Variants in STAM2 observed in about 807,000 individuals in gnomAD.
STAM2 encodes signal transducing adapter molecule 2.
A neutral mutation model predicts 65.6 loss-of-function variants in STAM2; 51 were observed. The observed-to-expected ratio is 0.78, with a 90% CI of 0.62 to 0.98. STAM2 has a LOEUF of 0.98. Ranked by LOEUF, STAM2 falls within the 50% of genes least tolerant of loss-of-function variation. The pLI is 0.00. For missense variants in STAM2, 584 were observed against 617.8 expected, an observed-to-expected ratio of 0.95 and a Z score of 0.58; for synonymous variants, 198 against 208.4, an observed-to-expected ratio of 0.95 and a Z score of 0.43.
chr2:152,146,850 A>C (rs577014578), intron 5 of STAM2, among the ~76,000 whole-genome samples: 9 of 152,340 alleles, frequency 5.9e-5, no homozygotes, highest in African/African-American at 2.2e-4. Flanking sequence ...GTATAAAGCT[A>C]TCATTCAAAT....
At position 152,159,110 on chromosome 2, in the gene STAM2, T is replaced by TATATATATATATATGTATATAC. The variant is rs575009275; in HGVS notation, c.41-8882_41-8881insGTATATACATATATATATATAT. ...AAAAAAAACCATATATATATATATA[T>TATATATATATATATGTATATAC]ACACACACAGATATATATAATTTTT... On this transcript the variant is annotated intron_variant, in intron 1 of 13. Coordinates refer to ENST00000263904, the MANE Select transcript of STAM2 (RefSeq NM_005843.6). Among the ~76,000 whole-genome samples the TATATATATATATATGTATATAC allele has an allele frequency of 1.6e-4, 21 of 129,278 alleles. No individual in the cohort carries two copies. The East Asian group carries it at 6.5e-3, about 40-fold the overall frequency. 84.8% of individuals were successfully genotyped at this position (129,278 alleles called of 152,430 possible).
In STAM2 at chr2:152,149,494, CT is replaced by C. The variant is rs1175160840; in HGVS notation, c.125+650del. Reference sequence around the variant, plus strand: ...CAAAAACTTCACTATTAATAGTCTACTCTTTTTTTTTTTTTTTTTTTGAGAC... The same window carrying C: ...CAAAAACTTCACTATTAATAGTCTACCTTTTTTTTTTTTTTTTTTTGAGAC... On this transcript the variant is annotated intron_variant, in intron 2 of 13. Coordinates refer to ENST00000263904, the MANE Select transcript of STAM2 (RefSeq NM_005843.6). Among the ~76,000 whole-genome samples the C allele has an allele frequency of 1.9e-4, 27 of 140,760 alleles. No homozygotes were observed. In the East Asian group the frequency reaches 6.4e-3, roughly 34 times the overall value. The allele number at this position is 140,760 out of a possible 152,430, so 92.3% of individuals were successfully genotyped here. A position where few individuals can be genotyped will look rare whatever the true frequency, so the allele number is the denominator to read the frequency against.
intron 12 of STAM2, among the ~76,000 whole-genome samples, chr2:152,124,917 A>C (rs1342750383): frequency 1.3e-5 from 2 of 152,200 alleles, no homozygotes; most frequent in Non-Finnish European, 2.9e-5. Context: ...TATTTTTGTC[A>C]AATTAGAATA....
intron 1 of STAM2, among the ~76,000 whole-genome samples, chr2:152,154,026 C>T (rs570294933): frequency 5.3e-5 from 8 of 152,112 alleles, no homozygotes; most frequent in African/African-American, 9.6e-5. Context: ...ATGAACAAGA[C>T]GAGAAACAAA....
chr2:152,150,578 A>G (rs1429159918), intron 1 of STAM2, among the ~76,000 whole-genome samples: 3 of 152,196 alleles, frequency 2.0e-5, no homozygotes, highest in African/African-American at 7.2e-5. Flanking sequence ...AGGCAGGAAG[A>G]TCGTTTGAGG....
chr2:152,148,885 TTTC>T (rs1371384998), intron 2 of STAM2, among the ~76,000 whole-genome samples: 7 of 152,172 alleles, frequency 4.6e-5, no homozygotes, highest in African/African-American at 1.7e-4. Context: ...GATCTTTCTA[TTTC>T]TTCAAGACAG....
intron 1 of STAM2, among the ~76,000 whole-genome samples, chr2:152,173,406 A>ATGTATACATATATT (rs1560227709): frequency 1.4e-5 from 2 of 145,224 alleles, no homozygotes; most frequent in Admixed American, 6.9e-5. Context: ...ATATATATAT[A>ATGTATACATATATT]TTTTTTTTCG....
intron 6 of STAM2, 151 bp from the exon 7 acceptor site, chr2:152,144,164 A>G (rs1689299232): frequency 1.6e-6 from 1 of 643,078 alleles, no homozygotes; most frequent in Non-Finnish European, 2.6e-6. Context: ...GGGGCAGGGC[A>G]GGGAACCATG....
chr2:152,166,509 C>A (rs540256283), intron 1 of STAM2, among the ~76,000 whole-genome samples: 14 of 152,104 alleles, frequency 9.2e-5, no homozygotes, highest in Non-Finnish European at 1.3e-4. Context: ...TTCTTAACAC[C>A]TATAAGCAGG....
intron 7 of STAM2, among the ~76,000 whole-genome samples, chr2:152,136,957 C>T (rs193012559): frequency 6.7e-6 from 1 of 149,296 alleles, no homozygotes; most frequent in Admixed American, 6.7e-5. Context: ...TGCAGTGGCA[C>T]GATCTTGGCT....
chr2:152,153,064 A>G (rs1017274392), intron 1 of STAM2, among the ~76,000 whole-genome samples: 1 of 152,224 alleles, frequency 6.6e-6, no homozygotes, highest in African/African-American at 2.4e-5. Context: ...TAAATTAATT[A>G]AAGGTAAACT....
rs1438773983 is a variant in STAM2 at position 152,120,027 on chromosome 2, C to T, written c.*547G>A. On this transcript the variant is annotated 3_prime_UTR_variant, in exon 14 of 14. Coordinates refer to ENST00000263904, the MANE Select transcript of STAM2 (RefSeq NM_005843.6). The stretch of plus-strand genomic sequence containing the variant: ...AAGAAATATGCTGGCAAGCTAAATG[C>T]TTACACACAAAAAAGTTAGACTTTT... 6.5e-6 allele frequency: 1 copy of T among 152,888 alleles called. No individual in the cohort carries two copies. The highest frequency in any genetic ancestry group is 1.5e-5 in the Non-Finnish European group (1 of 68,324). The allele number at this position is 152,888 out of a possible 1,614,324, so 9.5% of individuals were successfully genotyped here.
chr2:152,161,925 C>T (rs1203793728), intron 1 of STAM2, among the ~76,000 whole-genome samples: 1 of 151,842 alleles, frequency 6.6e-6, no homozygotes, highest in South Asian at 2.1e-4. Context: ...TGGGTTCAAA[C>T]GATTTTCCTG....
intron 1 of STAM2, among the ~76,000 whole-genome samples, chr2:152,164,974 T>G (rs999717306): frequency 6.6e-6 from 1 of 152,114 alleles, no homozygotes; most frequent in African/African-American, 2.4e-5. Context: ...TCCTGTTAGG[T>G]GAGAACCACG....
In STAM2 at chr2:152,144,969, T is replaced by C. The variant is rs2105546391; in HGVS notation, c.448-12A>G. On this transcript the variant is annotated splice_polypyrimidine_tract_variant and intron_variant, in intron 5 of 13. Transcript: ENST00000263904. ...GCAGCTGAGACAGTCTGTAAATGTA[T>C]GAGTAAAATGAACACAACTATCTTT... 2.5e-6 allele frequency: 4 copies of C among 1,602,696 alleles called. No individual in the cohort carries two copies. The highest frequency in any genetic ancestry group is 3.4e-6 in the Non-Finnish European group (4 of 1,169,728).
chr2:152,138,315 G>T (rs957763964), intron 7 of STAM2, among the ~76,000 whole-genome samples: 6 of 151,576 alleles, frequency 4.0e-5, no homozygotes, highest in African/African-American at 1.5e-4. Flanking sequence ...ACATATCTTT[G>T]TTAGGCTTAT....
chr2:152,174,675 G>T (rs535228982), intron 1 of STAM2, among the ~76,000 whole-genome samples: 1 of 151,984 alleles, frequency 6.6e-6, no homozygotes, highest in Non-Finnish European at 1.5e-5. Flanking sequence ...TTTACCTAGG[G>T]TTCTGTTAAC....
intron 7 of STAM2, among the ~76,000 whole-genome samples, chr2:152,143,435 A>G (rs1461216561): frequency 1.3e-5 from 2 of 152,176 alleles, no homozygotes; most frequent in Non-Finnish European, 2.9e-5. Context: ...AGAATTGGGG[A>G]GGAGCCAAGT....
chr2:152,141,317 C>T (rs542806253), intron 7 of STAM2, among the ~76,000 whole-genome samples: 1 of 151,928 alleles, frequency 6.6e-6, no homozygotes, highest in African/African-American at 2.4e-5. Context: ...GGGCAGATTA[C>T]CTGAGGTCAG....
Sources: allele counts gnomAD v4.1 joint callset (sites outside exome capture counted in the v4.1 genomes callset), GRCh38; gene constraint gnomAD v4.1.1; transcripts MANE v1.5; gene names NCBI Gene and HGNC (gene_info 2026-07-23, HGNC 2026-07-21).